The following ERC2 variants were observed in gnomAD, a reference collection of about 807,000 sequenced individuals.
ERC2 encodes the protein ERC protein 2.
A neutral mutation model predicts 114.8 loss-of-function variants in ERC2; 42 were observed. That is an observed-to-expected ratio of 0.37 (90% CI 0.29 to 0.47). The LOEUF (loss-of-function observed/expected upper bound fraction) is 0.47, where lower values mean the gene tolerates loss of function less well. Ranked by LOEUF, ERC2 falls within the 20% of genes least tolerant of loss-of-function variation. ERC2 has a pLI of 0.99. For synonymous variants in ERC2, 454 were observed against 425.5 expected (o/e 1.07, Z -0.82); for missense variants, 939 against 1,150.7 (o/e 0.82, Z 2.66).
chr3:56,429,516 G>A (rs936194187), intron 2 of ERC2, among the ~76,000 whole-genome samples: 10 of 152,118 alleles, frequency 6.6e-5, no homozygotes, highest in Admixed American at 5.9e-4. Context: ...TGAAGCAAAA[G>A]CACAAGTGAC....
intron 2 of ERC2, among the ~76,000 whole-genome samples, chr3:56,300,186 A>G (rs2055769369): frequency 6.6e-6 from 1 of 152,088 alleles, no homozygotes; most frequent in Non-Finnish European, 1.5e-5. Flanking sequence ...AAAGCAGGAA[A>G]GAAGAAAGGG....
chr3:55,911,959 T>C (rs2064836735), intron 13 of ERC2, among the ~76,000 whole-genome samples: 1 of 152,128 alleles, frequency 6.6e-6, no homozygotes, highest in South Asian at 2.1e-4. Context: ...ATGGCCCTTC[T>C]ACCAGCAAGG....
intron 17 of ERC2, among the ~76,000 whole-genome samples, chr3:55,619,047 C>T (rs1489553568): frequency 1.3e-5 from 2 of 152,194 alleles, no homozygotes; most frequent in African/African-American, 4.8e-5. Context: ...CAGGTGTCTT[C>T]TCCAGGGGAC....
chr3:56,257,324 A>G (rs756207425), intron 3 of ERC2, among the ~76,000 whole-genome samples: 1 of 152,192 alleles, frequency 6.6e-6, no homozygotes, highest in Non-Finnish European at 1.5e-5. Flanking sequence ...AAGTGGCAAA[A>G]TATTTCAATT....
chr3:56,222,562 A>C (rs912206447), intron 3 of ERC2, among the ~76,000 whole-genome samples: 2 of 152,068 alleles, frequency 1.3e-5, no homozygotes, highest in African/African-American at 4.8e-5. Context: ...CCACTGCCCA[A>C]AATTTTCTGT....
intron 2 of ERC2, among the ~76,000 whole-genome samples, chr3:56,349,345 A>G (rs2058462002): frequency 6.6e-6 from 1 of 152,206 alleles, no homozygotes; most frequent in African/African-American, 2.4e-5. Context: ...GGCTACAAAT[A>G]AGGGCACACA....
chr3:55,641,789 T>C (rs915870351), intron 17 of ERC2, among the ~76,000 whole-genome samples: 3 of 152,140 alleles, frequency 2.0e-5, no homozygotes, highest in African/African-American at 7.2e-5. Flanking sequence ...ATTTCAACTT[T>C]AGGTGCCTTA....
At chr3:55,929,286 A>G (rs549614537) in intron 13 of ERC2, among the ~76,000 whole-genome samples, 2 of 152,282 alleles carry the variant, frequency 1.3e-5, no homozygotes, top group East Asian at 1.9e-4. Flanking sequence ...CCTGATGTCC[A>G]CTGTCTCTGA....
intron 3 of ERC2, among the ~76,000 whole-genome samples, chr3:56,285,343 G>A (rs1389069611): frequency 6.6e-6 from 1 of 151,638 alleles, no homozygotes; most frequent in Non-Finnish European, 1.5e-5. Context: ...TTTTGTTGCT[G>A]TCAGCACAAT....
chr3:56,398,147 T>C (rs1390512161), intron 2 of ERC2, among the ~76,000 whole-genome samples: 1 of 152,214 alleles, frequency 6.6e-6, no homozygotes, highest in Non-Finnish European at 1.5e-5. Flanking sequence ...TTGGAAATAA[T>C]ACAGTCTCTC....
intron 14 of ERC2, among the ~76,000 whole-genome samples, chr3:55,788,565 G>A (rs1010514357): frequency 1.3e-5 from 2 of 152,088 alleles, no homozygotes; most frequent in African/African-American, 4.8e-5. Context: ...ATATAATTCG[G>A]ATGATATAGA....
chr3:55,747,714 A>T (rs62249320), intron 14 of ERC2, among the ~76,000 whole-genome samples: 2,747 of 152,358 alleles, frequency 0.018, 36 homozygotes, highest in Middle Eastern at 0.031. Flanking sequence ...TCACCAATGC[A>T]TCACAGCCTT....
chr3:56,348,959 AGAAAGAAAGAAG>A (rs149020302), intron 2 of ERC2, among the ~76,000 whole-genome samples: 32,033 of 122,110 alleles, frequency 0.26, 5,402 homozygotes, highest in Admixed American at 0.28. Flanking sequence ...AAGGAAGGAA[AGAAAGAAAGAAG>A]GAAAGAAAGA....
At chr3:56,439,887 C>A (rs910245243) in intron 1 of ERC2, among the ~76,000 whole-genome samples, 3 of 151,908 alleles carry the variant, frequency 2.0e-5, no homozygotes, top group Non-Finnish European at 4.4e-5. Context: ...AAATACCTTG[C>A]TGTTTTTATT....
At chr3:56,368,224 G>T (rs929697452) in intron 2 of ERC2, among the ~76,000 whole-genome samples, 1 of 148,522 alleles carries the variant, frequency 6.7e-6, no homozygotes, top group Non-Finnish European at 1.5e-5. Context: ...AGCTAAGATC[G>T]GTCATACATC....
At chr3:55,567,709 G>A (rs1328388928) in intron 17 of ERC2, among the ~76,000 whole-genome samples, 1 of 152,150 alleles carries the variant, frequency 6.6e-6, no homozygotes, top group Non-Finnish European at 1.5e-5. Flanking sequence ...GAGTGAGGGT[G>A]AGAAGGCACT....
intron 17 of ERC2, among the ~76,000 whole-genome samples, chr3:55,621,678 AT>A (rs748139506): frequency 3.3e-5 from 5 of 152,210 alleles, no homozygotes; most frequent in Non-Finnish European, 7.3e-5. Context: ...GAAAAGTGGC[AT>A]TTCACTTTTG....
At chr3:56,444,203 C>G (rs1249517920) in intron 1 of ERC2, among the ~76,000 whole-genome samples, 1 of 151,502 alleles carries the variant, frequency 6.6e-6, no homozygotes, top group Non-Finnish European at 1.5e-5. Context: ...GATCTCCTGA[C>G]CTCGTGATCT....
chr3:55,576,766 G>C (rs192685197), intron 17 of ERC2, among the ~76,000 whole-genome samples: 7 of 152,332 alleles, frequency 4.6e-5, no homozygotes, highest in Non-Finnish European at 1.0e-4. Flanking sequence ...TAGCCCCTCA[G>C]CTTCCTGCCC....
Sources: gnomAD v4.1 joint callset for allele counts (sites outside exome capture counted in the v4.1 genomes callset) on GRCh38, gnomAD v4.1.1 for gene constraint, MANE v1.5 for transcripts, NCBI Gene and HGNC (gene_info 2026-07-23, HGNC 2026-07-21) for gene names.